Variants in ITGBL1 observed in about 807,000 individuals in gnomAD.
The protein encoded by ITGBL1 is integrin beta-like protein 1.
A neutral mutation model predicts 68.5 loss-of-function variants in ITGBL1; 51 were observed. The observed-to-expected ratio is 0.74, with a 90% CI of 0.59 to 0.94. The LOEUF is 0.94. Ranked by LOEUF, ITGBL1 falls within the 40% of genes least tolerant of loss-of-function variation. The probability of loss-of-function intolerance (pLI) is 0.00; values close to 1 mark genes in which losing one functional copy is unlikely to be tolerated. For missense variants in ITGBL1, 649 were observed against 647.4 expected (o/e 1.00, Z -0.03); for synonymous variants, 209 against 227.3 (o/e 0.92, Z 0.72).
At chr13:101,708,322 C>T (rs1173939266) in intron 9 of ITGBL1, among the ~76,000 whole-genome samples, 1 of 152,154 alleles carries the variant, frequency 6.6e-6, no homozygotes, top group South Asian at 2.1e-4. Context: ...TTAGGGGCTT[C>T]CCAGCTCTCC....
At chr13:101,646,393 G>C (rs897920033) in intron 7 of ITGBL1, among the ~76,000 whole-genome samples, 1 of 151,860 alleles carries the variant, frequency 6.6e-6, no homozygotes, top group African/African-American at 2.4e-5. Context: ...AATGGTCAAA[G>C]AACCTTAAGA....
chr13:101,474,086 C>A (rs930463503), intron 2 of ITGBL1, among the ~76,000 whole-genome samples: 11 of 152,166 alleles, frequency 7.2e-5, no homozygotes, highest in Non-Finnish European at 1.6e-4. Flanking sequence ...GGGACTTTGT[C>A]TTACAGCTTG....
chr13:101,640,709 G>A (rs575534420), intron 7 of ITGBL1, among the ~76,000 whole-genome samples: 1 of 152,174 alleles, frequency 6.6e-6, no homozygotes, highest in East Asian at 1.9e-4. Context: ...TTTGGGGTAG[G>A]AATTATCCCA....
rs543708134 is a variant in ITGBL1, at chr13:101,663,975, A to G, written c.1016-28610A>G. On this transcript the variant is annotated intron_variant, in intron 7 of 10. Transcript: ENST00000376180. ...CTTGAGAAACAGCAGATTTATTGTC[A>G]TAATAATCTCAAAATGCTTTTGAGG... is the stretch of plus-strand genomic sequence containing the variant. Among the ~76,000 whole-genome samples the G allele has an allele frequency of 2.0e-5, 3 of 152,326 alleles. No homozygotes were observed. The South Asian group carries it at 6.2e-4, about 32-fold the overall frequency.
chr13:101,469,255 C>T (rs1310377908), intron 2 of ITGBL1, among the ~76,000 whole-genome samples: 2 of 152,150 alleles, frequency 1.3e-5, no homozygotes, highest in Non-Finnish European at 2.9e-5. Flanking sequence ...AATGGATCAT[C>T]ATGTAGGTTC....
intron 2 of ITGBL1, among the ~76,000 whole-genome samples, chr13:101,548,772 TAGAC>T (rs981262922): frequency 1.3e-5 from 2 of 151,838 alleles, no homozygotes; most frequent in Non-Finnish European, 3.0e-5. Flanking sequence ...GAGAATATAG[TAGAC>T]AATTTATTGA....
At chr13:101,486,416 C>G (rs1458368673) in intron 2 of ITGBL1, among the ~76,000 whole-genome samples, 1 of 151,916 alleles carries the variant, frequency 6.6e-6, no homozygotes, top group African/African-American at 2.4e-5. Context: ...GATGAGTGCA[C>G]CAAAATCTCA....
At chr13:101,692,519 C>G in intron 7 of ITGBL1, 66 bp from the exon 8 acceptor site, 1 of 1,085,138 alleles carries the variant, frequency 9.2e-7, no homozygotes, top group Non-Finnish European at 1.4e-6. Flanking sequence ...GTGTGCTCAC[C>G]TCCTTGAAAG....
At chr13:101,671,038 A>G (rs2033344585) in intron 7 of ITGBL1, among the ~76,000 whole-genome samples, 1 of 152,198 alleles carries the variant, frequency 6.6e-6, no homozygotes, top group South Asian at 2.1e-4. Flanking sequence ...CAAATTCATC[A>G]GATTTTTAAA....
At chr13:101,493,726 A>G (rs1042684634) in intron 2 of ITGBL1, among the ~76,000 whole-genome samples, 43 of 152,144 alleles carry the variant, frequency 2.8e-4, no homozygotes, top group Non-Finnish European at 2.9e-4. Context: ...TAGAACATCT[A>G]TCTCATTTTC....
chr13:101,702,921 G>C (rs2034168048), intron 8 of ITGBL1, among the ~76,000 whole-genome samples: 1 of 152,168 alleles, frequency 6.6e-6, no homozygotes, highest in African/African-American at 2.4e-5. Context: ...GGGCGTAGGG[G>C]TGCCAGTTTT....
intron 7 of ITGBL1, among the ~76,000 whole-genome samples, chr13:101,604,881 T>TACACACACACACACACACAC (rs1292236214): frequency 3.5e-4 from 5 of 14,270 alleles, no homozygotes; most frequent in East Asian, 4.2e-3. Context: ...TATATATATA[T>TACACACACACACACACACAC]ATATATACAC....
At chr13:101,495,432 G>GA (rs972434855) in intron 2 of ITGBL1, among the ~76,000 whole-genome samples, 1 of 152,080 alleles carries the variant, frequency 6.6e-6, no homozygotes, top group African/African-American at 2.4e-5. Context: ...TCCCTTCCTA[G>GA]AGTCCTCTCA....
chr13:101,495,135 C>T (rs2139070497), intron 2 of ITGBL1, among the ~76,000 whole-genome samples: 1 of 152,258 alleles, frequency 6.6e-6, no homozygotes, highest in African/African-American at 2.4e-5. Context: ...CCCTTTTTAA[C>T]TTTTATGTAG....
At chr13:101,510,242 T>A (rs775290735) in intron 2 of ITGBL1, among the ~76,000 whole-genome samples, 1 of 152,140 alleles carries the variant, frequency 6.6e-6, no homozygotes, top group African/African-American at 2.4e-5. Context: ...CTTCCACTTG[T>A]AAGTGAGAAC....
intron 2 of ITGBL1, among the ~76,000 whole-genome samples, chr13:101,539,896 GTTGT>G (rs1326751784): frequency 3.0e-4 from 45 of 152,152 alleles, no homozygotes; most frequent in Non-Finnish European, 3.8e-4. Flanking sequence ...TTTTGATGGG[GTTGT>G]TTGTTTTTTT....
chr13:101,561,433 C>T (rs2050098896), intron 2 of ITGBL1, among the ~76,000 whole-genome samples: 1 of 152,068 alleles, frequency 6.6e-6, no homozygotes, highest in Admixed American at 6.6e-5. Flanking sequence ...TCTTAGGGCA[C>T]TTGTAAGTAT....
At chr13:101,499,788 C>T (rs1295226218) in intron 2 of ITGBL1, among the ~76,000 whole-genome samples, 1 of 152,156 alleles carries the variant, frequency 6.6e-6, no homozygotes, top group East Asian at 1.9e-4. Context: ...TAAAATGTTT[C>T]ATAAAAATAA....
chr13:101,691,371 A>T (rs765776143), intron 7 of ITGBL1, among the ~76,000 whole-genome samples: 1 of 152,226 alleles, frequency 6.6e-6, no homozygotes, highest in Non-Finnish European at 1.5e-5. Flanking sequence ...GCATTAGATT[A>T]TCTTTAATTA....
Sources: allele counts gnomAD v4.1 joint callset (sites outside exome capture counted in the v4.1 genomes callset), GRCh38; gene constraint gnomAD v4.1.1; transcripts MANE v1.5; gene names NCBI Gene and HGNC (gene_info 2026-07-23, HGNC 2026-07-21).